The following NAV2 variants were observed in gnomAD, a reference collection of about 807,000 sequenced individuals.
NAV2 encodes neuron navigator 2, also known as helicase, APC down-regulated 1.
Under a neutral mutation model 223.2 loss-of-function variants are expected in NAV2, and 54 were observed. The ratio of observed to expected loss-of-function variants is 0.24; its 90% confidence interval spans 0.19 to 0.30. The LOEUF (loss-of-function observed/expected upper bound fraction) is 0.30. Ranked by LOEUF, NAV2 falls within the 10% of genes least tolerant of loss-of-function variation. The pLI is 1.00. For missense variants in NAV2, 2,806 were observed against 3,147.5 expected, an observed-to-expected ratio of 0.89 and a Z score of 2.60; for synonymous variants, 1,279 against 1,239.3, an observed-to-expected ratio of 1.03 and a Z score of -0.67.
At chr11:20,114,939 G>C in intron 37 of NAV2, 144 bp downstream of exon 37, 1 of 811,422 alleles carries the variant, frequency 1.2e-6, no homozygotes, top group East Asian at 2.7e-5. Flanking sequence ...GGCCATTTTT[G>C]CCAATATTTT....
At chr11:20,100,913 G>A in intron 31 of NAV2, 24 bp from the exon 32 acceptor site, 1 of 1,601,844 alleles carries the variant, frequency 6.2e-7, no homozygotes, top group Non-Finnish European at 8.6e-7. Flanking sequence ...GGCTTCAGAT[G>A]ATTCCTGTCT....
intron 1 of NAV2, among the ~76,000 whole-genome samples, chr11:19,792,927 G>A (rs1055479408): frequency 3.3e-5 from 5 of 151,500 alleles, no homozygotes; most frequent in Admixed American, 1.3e-4. Flanking sequence ...AAAAAAAAGA[G>A]GCTGGATGCA....
At chr11:20,023,699 G>GGTGTGT (rs374769800) in intron 11 of NAV2, among the ~76,000 whole-genome samples, 4,599 of 144,646 alleles carry the variant, frequency 0.032, 85 homozygotes, top group African/African-American at 0.06. Flanking sequence ...CAAATTGCTG[G>GGTGTGT]GTGTGTGTGT....
At chr11:19,924,456 C>T (rs529438230) in intron 6 of NAV2, among the ~76,000 whole-genome samples, 4 of 152,270 alleles carry the variant, frequency 2.6e-5, no homozygotes, top group African/African-American at 9.6e-5. Flanking sequence ...GTAATTGCTC[C>T]AGCTGTCGAG....
intron 1 of NAV2, among the ~76,000 whole-genome samples, chr11:19,426,250 T>G (rs1252537614): frequency 6.6e-6 from 1 of 152,162 alleles, no homozygotes; most frequent in African/African-American, 2.4e-5. Flanking sequence ...GTGTTGTTTC[T>G]TCCCCAAAGA....
At chr11:19,486,619 TC>T in intron 1 of NAV2, among the ~76,000 whole-genome samples, 2 of 152,324 alleles carry the variant, frequency 1.3e-5, no homozygotes, top group Middle Eastern at 3.4e-3. Flanking sequence ...TGCTTCTCTT[TC>T]CACCATGATT....
intron 3 of NAV2, among the ~76,000 whole-genome samples, chr11:19,867,683 A>G (rs760237250): frequency 3.9e-5 from 6 of 152,244 alleles, no homozygotes; most frequent in Non-Finnish European, 8.8e-5. Flanking sequence ...ACCTATGCTA[A>G]AAATGCAAGG....
At chr11:19,575,197 C>T (rs2045538521) in intron 1 of NAV2, 2 of 153,512 alleles carry the variant, frequency 1.3e-5, no homozygotes, top group Admixed American at 6.5e-5. Flanking sequence ...CAAAGCTGGC[C>T]CTTCTCACAG....
rs552117345 is a variant in NAV2, at chr11:19,443,444, C to CT, written c.75+92418dup. Among the ~76,000 whole-genome samples, 12 of 152,338 alleles carry CT rather than the reference C, an allele frequency of 7.9e-5. No individual in the cohort carries two copies. In the South Asian group the frequency reaches 2.5e-3, roughly 32 times the overall value. ...CTCTCTCTCCCTGCCATGGACCACTCTGAGATACAGTTTGTCCTTGCAAAT... is the reference window on the plus strand; with the variant it reads ...CTCTCTCTCCCTGCCATGGACCACTCTTGAGATACAGTTTGTCCTTGCAAAT... On this transcript the variant is annotated intron_variant, in intron 1 of 37. Transcript: ENST00000360655.
chr11:19,542,841 G>A (rs999381045), intron 1 of NAV2, among the ~76,000 whole-genome samples: 2 of 152,246 alleles, frequency 1.3e-5, no homozygotes, highest in Non-Finnish European at 2.9e-5. Context: ...GCCTGACTCA[G>A]ACTGTGAGCA....
At chr11:20,043,872 C>A (rs2153582942) in intron 12 of NAV2, 109 bp from the exon 13 acceptor site, 2 of 937,016 alleles carry the variant, frequency 2.1e-6, no homozygotes, top group South Asian at 1.7e-5. Context: ...TAAAGTAATG[C>A]TTATTTTTCC....
intron 1 of NAV2, among the ~76,000 whole-genome samples, chr11:19,734,698 T>A (rs1238945904): frequency 6.6e-6 from 1 of 152,146 alleles, no homozygotes; most frequent in African/African-American, 2.4e-5. Context: ...AGTTCATGCA[T>A]CCCTCCCCTA....
At chr11:19,709,884 G>A (rs553505055), upstream of NAV2, among the ~76,000 whole-genome samples, 1 of 152,172 alleles carries the variant, frequency 6.6e-6, no homozygotes, top group Admixed American at 6.5e-5. Context: ...TTTGGAAACA[G>A]ACTAAAAGAT....
rs548574437 is a variant in NAV2 at position 19,625,405 on chromosome 11, A to T, written c.76-207079A>T. 2.6e-5 allele frequency among the ~76,000 whole-genome samples: 4 copies of T among 152,330 alleles called. No homozygotes were observed. The East Asian group carries it at 7.7e-4, about 29-fold the overall frequency. ...GAATTTCATTTCTTTTTTATGGCTG[A>T]ATAGTATTCCATGTTGTATATATAC... On this transcript the variant is annotated intron_variant, in intron 1 of 37. Coordinates refer to the NAV2 transcript ENST00000360655.
chr11:19,368,791 T>C (rs1196552414), intron 1 of NAV2, among the ~76,000 whole-genome samples: 1 of 152,204 alleles, frequency 6.6e-6, no homozygotes, highest in African/African-American at 2.4e-5. Flanking sequence ...TTTAATCATA[T>C]TTTTCAGATA....
intron 1 of NAV2, among the ~76,000 whole-genome samples, chr11:19,657,612 G>A (rs996968259): frequency 2.0e-5 from 3 of 152,272 alleles, no homozygotes; most frequent in African/African-American, 4.8e-5. Context: ...GAGAGGGTGA[G>A]GAACACATGG....
At chr11:19,411,792 G>A (rs1461108533) in intron 1 of NAV2, among the ~76,000 whole-genome samples, 1 of 152,164 alleles carries the variant, frequency 6.6e-6, no homozygotes, top group Non-Finnish European at 1.5e-5. Flanking sequence ...TTCACAACTG[G>A]CATCTCGTTT....
chr11:19,405,545 T>A (rs12364788), intron 1 of NAV2, among the ~76,000 whole-genome samples: 3 of 152,178 alleles, frequency 2.0e-5, no homozygotes, highest in African/African-American at 7.2e-5. Context: ...TTCCTCCTTC[T>A]GTATACTGTT....
intron 5 of NAV2, among the ~76,000 whole-genome samples, chr11:19,881,158 CCTT>C (rs1332829311): frequency 6.6e-6 from 1 of 152,178 alleles, no homozygotes; most frequent in Non-Finnish European, 1.5e-5. Context: ...ACAGTTACAG[CCTT>C]CTTTTTTCCC....
Sources: allele counts gnomAD v4.1 joint callset (sites outside exome capture counted in the v4.1 genomes callset), GRCh38; gene constraint gnomAD v4.1.1; transcripts MANE v1.5; gene names NCBI Gene and HGNC (gene_info 2026-07-23, HGNC 2026-07-21).